Variants in RORA observed in about 807,000 individuals in gnomAD.
The protein encoded by RORA is RAR related orphan receptor A.
RORA carries 7 observed loss-of-function variants against 69.5 expected under a neutral mutation model. The observed-to-expected ratio is 0.10, with a 90% CI of 0.06 to 0.19. The LOEUF (loss-of-function observed/expected upper bound fraction) is 0.19, where lower values mean the gene tolerates loss of function less well. Among genes scored for constraint, RORA ranks in the 10% least tolerant of loss-of-function variants. RORA has a pLI of 1.00. For missense variants in RORA, 457 were observed against 663.0 expected (o/e 0.69, Z 3.41); for synonymous variants, 261 against 240.8 (o/e 1.08, Z -0.78).
intron 2 of RORA, among the ~76,000 whole-genome samples, chr15:60,621,678 T>C (rs766270653): frequency 4.2e-4 from 64 of 152,202 alleles, no homozygotes; most frequent in Non-Finnish European, 8.7e-4. Flanking sequence ...CAATGTTACA[T>C]TCCCTGATTA....
intron 1 of RORA, among the ~76,000 whole-genome samples, chr15:61,194,713 C>A (rs1370555464): frequency 6.6e-6 from 1 of 152,078 alleles, no homozygotes; most frequent in Non-Finnish European, 1.5e-5. Flanking sequence ...GCTTCCTGAA[C>A]CTTATTTCAT....
rs192437870 is a variant in RORA, at chr15:60,964,693, G to C, written c.166+264360C>G. On this transcript the variant is annotated intron_variant, in intron 1 of 10. Coordinates refer to ENST00000335670, the MANE Select transcript of RORA (RefSeq NM_134261.3). ...CTGCTGGCACAGCACACTGTGGCCT[G>C]AGCAGTTGCCAAGGGAGCTTATGAA... Among the ~76,000 whole-genome samples the C allele has an allele frequency of 1.1e-4, 16 of 152,338 alleles. No individual in the cohort carries two copies. The East Asian group carries it at 3.1e-3, about 29-fold the overall frequency.
chr15:60,806,441 G>T (rs1348384995), intron 1 of RORA, among the ~76,000 whole-genome samples: 3 of 152,120 alleles, frequency 2.0e-5, no homozygotes, highest in Admixed American at 2.0e-4. Context: ...CATGCCTTCC[G>T]GAATGCCACT....
chr15:60,781,783 TG>T (rs2072262365), intron 1 of RORA, among the ~76,000 whole-genome samples: 1 of 152,242 alleles, frequency 6.6e-6, no homozygotes, highest in African/African-American at 2.4e-5. Context: ...TTTGAGAGTC[TG>T]GAACTGTTTG....
intron 2 of RORA, among the ~76,000 whole-genome samples, chr15:60,595,898 C>T (rs578031148): frequency 6.6e-6 from 1 of 152,226 alleles, no homozygotes; most frequent in African/African-American, 2.4e-5. Flanking sequence ...ACGTGGTGTT[C>T]CTGTGTGCTG....
At chr15:60,558,855 A>C (rs1046885647) in intron 2 of RORA, among the ~76,000 whole-genome samples, 4 of 140,152 alleles carry the variant, frequency 2.9e-5, no homozygotes, top group Non-Finnish European at 4.5e-5. Flanking sequence ...TGACTGTGCC[A>C]ATCTCATTAG....
chr15:60,938,611 C>T (rs2140320830), intron 1 of RORA, among the ~76,000 whole-genome samples: 1 of 152,242 alleles, frequency 6.6e-6, no homozygotes, highest in African/African-American at 2.4e-5. Flanking sequence ...ATGGTTAGAT[C>T]AGTTCATACA....
At chr15:60,776,261 A>G (rs2140333817) in intron 1 of RORA, among the ~76,000 whole-genome samples, 1 of 152,322 alleles carries the variant, frequency 6.6e-6, no homozygotes, top group South Asian at 2.1e-4. Context: ...TTCAGACTGA[A>G]TCTTCTGTGG....
chr15:60,943,308 T>A (rs1006613099), intron 1 of RORA, among the ~76,000 whole-genome samples: 1 of 82,222 alleles, frequency 1.2e-5, no homozygotes, highest in Non-Finnish European at 3.3e-5. Flanking sequence ...CTTTCTTAAT[T>A]TTTTTTTTTT....
intron 1 of RORA, among the ~76,000 whole-genome samples, chr15:60,781,474 C>T (rs2072254002): frequency 6.6e-6 from 1 of 152,134 alleles, no homozygotes; most frequent in African/African-American, 2.4e-5. Context: ...TTCAGCAGCA[C>T]GGAGGGGACC....
In RORA at chr15:60,537,820, C is replaced by T. The variant is rs1044597634; in HGVS notation, c.197-5969G>A. Among the ~76,000 whole-genome samples, 1 of 152,226 alleles carries T rather than the reference C, an allele frequency of 6.6e-6. No homozygotes were observed. The highest frequency in any genetic ancestry group is 6.5e-5 in the Admixed American group (1 of 15,286). On this transcript the variant is annotated intron_variant, in intron 2 of 10. Transcript: ENST00000335670. The surrounding 1 kb of genome is among the most constrained non-coding windows in gnomAD (Gnocchi z 4.9). Reference sequence around the variant, plus strand: ...CTTTCATGACAGTATTTCATCCTTGCTGAACCTCACCAAAACAATTAGATC... The same window carrying T: ...CTTTCATGACAGTATTTCATCCTTGTTGAACCTCACCAAAACAATTAGATC...
intron 3 of RORA, among the ~76,000 whole-genome samples, chr15:60,515,690 T>G (rs1220438755): frequency 6.7e-6 from 1 of 149,946 alleles, no homozygotes; most frequent in Non-Finnish European, 1.5e-5. Context: ...AGATTTCTTC[T>G]TCAATCCAGA....
intron 1 of RORA, among the ~76,000 whole-genome samples, chr15:60,879,943 G>A (rs750801504): frequency 6.6e-6 from 1 of 152,288 alleles, no homozygotes; most frequent in Admixed American, 6.5e-5. Context: ...ATGTGGGATT[G>A]TCACTGGGTC....
intron 1 of RORA, among the ~76,000 whole-genome samples, chr15:61,051,867 G>A (rs932854232): frequency 6.6e-6 from 1 of 152,180 alleles, no homozygotes; most frequent in African/African-American, 2.4e-5. Context: ...TCTGCAGCAC[G>A]AATTACCAAG....
chr15:60,891,320 A>ATGTG (rs1405280091), intron 1 of RORA, among the ~76,000 whole-genome samples: 2 of 152,182 alleles, frequency 1.3e-5, no homozygotes, highest in Non-Finnish European at 2.9e-5. Context: ...GTGTGTGTGC[A>ATGTG]TGTGTGCAGT....
intron 1 of RORA, among the ~76,000 whole-genome samples, chr15:61,078,254 C>G (rs897298444): frequency 3.3e-5 from 5 of 152,136 alleles, no homozygotes; most frequent in African/African-American, 1.2e-4. Flanking sequence ...ACCTCTGCCT[C>G]TCAGGTTCAA....
intron 1 of RORA, among the ~76,000 whole-genome samples, chr15:60,996,194 C>T (rs1894529769): frequency 6.6e-6 from 1 of 152,018 alleles, no homozygotes; most frequent in Non-Finnish European, 1.5e-5. Flanking sequence ...CCTCAGACTC[C>T]CAAGCAGCTG....
chr15:60,909,221 C>T (rs1595809341), intron 1 of RORA, among the ~76,000 whole-genome samples: 3 of 152,320 alleles, frequency 2.0e-5, no homozygotes, highest in East Asian at 1.9e-4. Context: ...TCCCAAGCTT[C>T]GACCTGCTTG....
intron 1 of RORA, among the ~76,000 whole-genome samples, chr15:60,916,544 G>A (rs757920946): frequency 7.9e-5 from 12 of 152,070 alleles, no homozygotes; most frequent in East Asian, 1.9e-4. Context: ...TGAATATTTC[G>A]CATCAGCTTC....
Sources: allele counts gnomAD v4.1 joint callset (sites outside exome capture counted in the v4.1 genomes callset), GRCh38; gene constraint gnomAD v4.1.1; non-coding constraint Gnocchi (gnomAD v3.1); transcripts MANE v1.5; gene names NCBI Gene and HGNC (gene_info 2026-07-23, HGNC 2026-07-21).